RPRD1A: variants seen among roughly 807,000 people sequenced by gnomAD.
RPRD1A encodes the protein regulation of nuclear pre-mRNA domain containing 1A.
A neutral mutation model predicts 37.8 loss-of-function variants in RPRD1A; 9 were observed. The ratio of observed to expected loss-of-function variants is 0.24; its 90% confidence interval spans 0.14 to 0.42. The LOEUF (loss-of-function observed/expected upper bound fraction) is 0.42, where lower values mean the gene tolerates loss of function less well. Ranked by LOEUF, RPRD1A falls within the 10% of genes least tolerant of loss-of-function variation. The probability of loss-of-function intolerance (pLI) is 1.00; values close to 1 mark genes in which losing one functional copy is unlikely to be tolerated. For missense variants in RPRD1A, 255 were observed against 371.0 expected, an observed-to-expected ratio of 0.69 and a Z score of 2.57; for synonymous variants, 138 against 139.7, an observed-to-expected ratio of 0.99 and a Z score of 0.08.
At chr18:36,045,195 G>A (rs755056452) in intron 1 of RPRD1A, among the ~76,000 whole-genome samples, 25 of 151,846 alleles carry the variant, frequency 1.6e-4, no homozygotes, top group Non-Finnish European at 3.2e-4. Context: ...AGCCAAGATC[G>A]CACCACTGCA....
At chr18:36,031,162 AG>A (rs1167679294) in intron 2 of RPRD1A, 65 bp from the exon 3 acceptor site, 8 of 1,433,296 alleles carry the variant, frequency 5.6e-6, no homozygotes, top group Non-Finnish European at 7.3e-6. Context: ...GTTATTGAAA[AG>A]GTTAACGGTA....
At chr18:36,063,562 G>A (rs2088957944) in intron 1 of RPRD1A, among the ~76,000 whole-genome samples, 2 of 152,136 alleles carry the variant, frequency 1.3e-5, no homozygotes, top group Admixed American at 1.3e-4. Flanking sequence ...AACACAAAAT[G>A]TTCAACTAAT....
chr18:36,006,093 G>A (rs566853235), intron 6 of RPRD1A, among the ~76,000 whole-genome samples: 1 of 152,298 alleles, frequency 6.6e-6, no homozygotes, highest in East Asian at 1.9e-4. Flanking sequence ...GAAGTACTTA[G>A]AACAGTGTCT....
Position 35,993,294 on chromosome 18 carries a change from T to C in RPRD1A, c.796A>G (p.Lys266Glu), listed in dbSNP as rs544990628. 6.2e-7 allele frequency: 1 copy of C among 1,614,082 alleles called. No individual in the cohort carries two copies. Among genetic ancestry groups the C allele is most frequent in the Non-Finnish European group, 8.5e-7 (1 of 1,179,994 alleles). The change falls in exon 7 of 7, where the codon AAG becomes GAG. Residue 266 changes from lysine to glutamate, a missense_variant. Lys to Glu is a moderately conservative substitution (Grantham distance 56). This residue lies in a region of RPRD1A where 211 missense variants were observed against 268.9 expected (regional missense o/e 0.78). Coordinates refer to ENST00000399022, the MANE Select transcript of RPRD1A (RefSeq NM_018170.5). ...AGGGAAACTCTGGCTAGCTTGCGCTTGTACTCCTGTAACATCAAACCACTT... is the reference window on the plus strand; with the variant it reads ...AGGGAAACTCTGGCTAGCTTGCGCTCGTACTCCTGTAACATCAAACCACTT... ...AEKEHKLEEY[K>E]RKLARVSLVR...
intron 1 of RPRD1A, among the ~76,000 whole-genome samples, chr18:36,036,099 TTTTG>T (rs907210896): frequency 3.9e-5 from 6 of 151,954 alleles, no homozygotes; most frequent in Admixed American, 2.0e-4. Flanking sequence ...AAAAAAATGT[TTTTG>T]TTTTTTTTGT....
intron 1 of RPRD1A, among the ~76,000 whole-genome samples, chr18:36,064,744 C>A (rs1159417320): frequency 6.6e-6 from 1 of 152,218 alleles, no homozygotes; most frequent in African/African-American, 2.4e-5. Flanking sequence ...CCAGCAGCAA[C>A]AACCCGCTTG....
At chr18:36,043,203 G>C (rs1027166804) in intron 1 of RPRD1A, among the ~76,000 whole-genome samples, 1 of 137,508 alleles carries the variant, frequency 7.3e-6, no homozygotes, top group East Asian at 2.5e-4. Context: ...AATCGGGGGG[G>C]GGGGAAGAAG....
intron 6 of RPRD1A, among the ~76,000 whole-genome samples, chr18:36,023,712 C>A (rs1911162251): frequency 6.6e-6 from 1 of 152,232 alleles, no homozygotes; most frequent in Non-Finnish European, 1.5e-5. Flanking sequence ...TCAGCAATCA[C>A]CACCCTAATC....
intron 1 of RPRD1A, among the ~76,000 whole-genome samples, chr18:36,034,068 T>G (rs1273018256): frequency 3.3e-5 from 5 of 152,106 alleles, no homozygotes; most frequent in Admixed American, 2.0e-4. Context: ...CTGTATTAAA[T>G]TTTAGTAAAA....
chr18:36,004,625 A>G (rs982981376), intron 6 of RPRD1A, among the ~76,000 whole-genome samples: 6 of 152,240 alleles, frequency 3.9e-5, no homozygotes, highest in Admixed American at 3.3e-4. Context: ...TCCAACAAGT[A>G]TAACTTATTT....
At chr18:36,003,374 A>C (rs1391069870) in intron 6 of RPRD1A, among the ~76,000 whole-genome samples, 3 of 152,232 alleles carry the variant, frequency 2.0e-5, no homozygotes, top group African/African-American at 7.2e-5. Context: ...AATAATGCCA[A>C]GCCAGGTCCA....
At chr18:36,040,728 A>G (rs929213513) in intron 1 of RPRD1A, 10 of 803,732 alleles carry the variant, frequency 1.2e-5, no homozygotes, top group Non-Finnish European at 1.9e-5. Context: ...CCTTACCCAC[A>G]TCTAATCATC....
chr18:36,015,493 T>C (rs1401479009), intron 6 of RPRD1A, among the ~76,000 whole-genome samples: 1 of 152,134 alleles, frequency 6.6e-6, no homozygotes, highest in Admixed American at 6.5e-5. Flanking sequence ...TGAGCCACCA[T>C]GCCCGGCCTC....
intron 6 of RPRD1A, among the ~76,000 whole-genome samples, chr18:36,015,259 C>A (rs1017672240): frequency 2.0e-5 from 3 of 149,772 alleles, no homozygotes; most frequent in African/African-American, 7.4e-5. Flanking sequence ...GTCGCCCAGG[C>A]TAGAGTGCAG....
intron 4 of RPRD1A, among the ~76,000 whole-genome samples, chr18:36,029,284 G>T (rs1046248916): frequency 6.6e-6 from 1 of 152,046 alleles, no homozygotes; most frequent in African/African-American, 2.4e-5. Flanking sequence ...ACCTTCATGG[G>T]GGAAAGAGCT....
intron 6 of RPRD1A, among the ~76,000 whole-genome samples, chr18:36,004,937 TAG>T (rs960032837): frequency 6.6e-6 from 1 of 151,500 alleles, no homozygotes; most frequent in African/African-American, 2.4e-5. Context: ...ATTTAAAAAA[TAG>T]AAGACAATAT....
intron 1 of RPRD1A, among the ~76,000 whole-genome samples, chr18:36,035,088 A>G (rs1912096222): frequency 6.6e-6 from 1 of 152,208 alleles, no homozygotes; most frequent in African/African-American, 2.4e-5. Flanking sequence ...TTGTCTGGTT[A>G]GATAAACCAC....
chr18:36,020,625 AAAAT>A (rs1910933573), intron 6 of RPRD1A, among the ~76,000 whole-genome samples: 1 of 152,168 alleles, frequency 6.6e-6, no homozygotes, highest in South Asian at 2.1e-4. Flanking sequence ...AAAAGCAATA[AAAAT>A]AAATAGTCTG....
At chr18:36,027,693 A>G (rs1204150837) in intron 4 of RPRD1A, 1 of 160,988 alleles carries the variant, frequency 6.2e-6, no homozygotes, top group African/African-American at 2.4e-5. Flanking sequence ...TATTCATTAC[A>G]TTATCATTGT....
Sources: gnomAD v4.1 joint callset for allele counts (sites outside exome capture counted in the v4.1 genomes callset) on GRCh38, gnomAD v4.1.1 for gene constraint, gnomAD v4.1.1 regional missense constraint, MANE v1.5 for transcripts, NCBI Gene and HGNC (gene_info 2026-07-23, HGNC 2026-07-21) for gene names.